Variants in LHFPL6 observed in about 807,000 individuals in gnomAD.
LHFPL6 encodes the protein LHFPL tetraspan subfamily member 6.
In LHFPL6, 9 loss-of-function variants were observed where a neutral mutation model predicts 20.6. The observed-to-expected ratio is 0.44, with a 90% CI of 0.26 to 0.76. The LOEUF (loss-of-function observed/expected upper bound fraction) is 0.76, where lower values mean the gene tolerates loss of function less well. Among genes scored for constraint, LHFPL6 ranks in the 30% least tolerant of loss-of-function variants. LHFPL6 has a pLI of 0.20. For missense variants in LHFPL6, 218 were observed against 253.5 expected (o/e 0.86, Z 0.95); for synonymous variants, 105 against 98.7 (o/e 1.06, Z -0.38).
chr13:39,542,101 TAATA>T (rs1870824362), intron 2 of LHFPL6, among the ~76,000 whole-genome samples: 1 of 106,274 alleles, frequency 9.4e-6, no homozygotes, highest in African/African-American at 3.7e-5. Flanking sequence ...AAAAATATAA[TAATA>T]ATAATAATAA....
At chr13:39,461,238 T>C (rs1354638527) in intron 2 of LHFPL6, among the ~76,000 whole-genome samples, 1 of 152,160 alleles carries the variant, frequency 6.6e-6, no homozygotes, top group Non-Finnish European at 1.5e-5. Flanking sequence ...AGGGTACCAC[T>C]GATGGGCATT....
chr13:39,459,526 C>CA (rs548627339), intron 2 of LHFPL6, among the ~76,000 whole-genome samples: 22 of 152,182 alleles, frequency 1.4e-4, no homozygotes, highest in African/African-American at 5.1e-4. Flanking sequence ...CAGTAATTTT[C>CA]AATACTTTAA....
rs368020514 is a variant in LHFPL6 at position 39,343,984 on chromosome 13, C to T, written c.555G>A (p.Thr185=). Residue 185 remains threonine, a synonymous_variant, in exon 4 of 4, where the codon ACG becomes ACA. Transcript: ENST00000379589. ...TCTTGCCCGAAAAGCAAGCCAGCCA[C>T]GTGCACAGCAGCATGGCGGCAGTGG... ...AGATAAMLLC[T]WLACFSGKKQ... 4.5e-5 allele frequency: 72 copies of T among 1,613,680 alleles called. No homozygotes were observed. Among genetic ancestry groups the T allele is most frequent in the Non-Finnish European group, 5.3e-5 (62 of 1,179,934 alleles).
At chr13:39,470,305 T>C (rs6563707) in intron 2 of LHFPL6, among the ~76,000 whole-genome samples, 84,438 of 152,020 alleles carry the variant, frequency 0.56, 24,728 homozygotes, top group East Asian at 0.9. Context: ...AGAAAGCTCT[T>C]GCCAAATTTT....
At chr13:39,399,044 A>G (rs1410698580) in intron 2 of LHFPL6, among the ~76,000 whole-genome samples, 2 of 152,162 alleles carry the variant, frequency 1.3e-5, no homozygotes, top group Non-Finnish European at 2.9e-5. Flanking sequence ...AACCTACCCT[A>G]CAACTCCAAG....
intron 3 of LHFPL6, among the ~76,000 whole-genome samples, chr13:39,364,213 C>T (rs1393622222): frequency 6.6e-6 from 1 of 152,200 alleles, no homozygotes; most frequent in African/African-American, 2.4e-5. Context: ...ATCAGAGAAA[C>T]CGGCCCTGGA....
chr13:39,370,213 C>G (rs762571362), intron 3 of LHFPL6, among the ~76,000 whole-genome samples: 1 of 152,120 alleles, frequency 6.6e-6, no homozygotes, highest in Non-Finnish European at 1.5e-5. Flanking sequence ...CTCCCTTGGA[C>G]GCGGAAGTTT....
At chr13:39,388,480 T>C (rs1870623635) in intron 2 of LHFPL6, among the ~76,000 whole-genome samples, 1 of 152,154 alleles carries the variant, frequency 6.6e-6, no homozygotes, top group Non-Finnish European at 1.5e-5. Context: ...TACGTGACAG[T>C]TTTCTGGGAA....
At chr13:39,477,302 C>T (rs1331113817) in intron 2 of LHFPL6, among the ~76,000 whole-genome samples, 1 of 152,216 alleles carries the variant, frequency 6.6e-6, no homozygotes. Flanking sequence ...GTCAGAGCTA[C>T]CCTATTTGGC....
chr13:39,378,699 A>G (rs1870360055), intron 2 of LHFPL6, among the ~76,000 whole-genome samples, 173 bp from the exon 3 acceptor site: 1 of 152,182 alleles, frequency 6.6e-6, no homozygotes, highest in Admixed American at 6.6e-5. Flanking sequence ...CAACAATTTC[A>G]AGTCAGCTTA....
chr13:39,486,010 G>A (rs969109901), intron 2 of LHFPL6, among the ~76,000 whole-genome samples: 1 of 152,054 alleles, frequency 6.6e-6, no homozygotes, highest in African/African-American at 2.4e-5. Context: ...GGAATCCAAG[G>A]CTCAAGGGTA....
At chr13:39,359,849 A>G (rs1360040069) in intron 3 of LHFPL6, among the ~76,000 whole-genome samples, 7 of 152,068 alleles carry the variant, frequency 4.6e-5, no homozygotes. Context: ...GGCTCTTTTG[A>G]CCTGTTCTGT....
chr13:39,531,206 C>T (rs575565216), intron 2 of LHFPL6, among the ~76,000 whole-genome samples: 50 of 152,288 alleles, frequency 3.3e-4, no homozygotes, highest in African/African-American at 1.1e-3. Flanking sequence ...TAAAAGCAAT[C>T]TGAATGTAGA....
chr13:39,500,394 T>C (rs752971934), intron 2 of LHFPL6, among the ~76,000 whole-genome samples: 1 of 152,012 alleles, frequency 6.6e-6, no homozygotes, highest in Admixed American at 6.6e-5. Context: ...TCTGGGACTA[T>C]AGGTGCATGC....
rs536307739 is a variant in LHFPL6 at position 39,586,808 on chromosome 13, C to CT, written c.385+14023dup. Among the ~76,000 whole-genome samples the CT allele has an allele frequency of 3.9e-5, 6 of 152,248 alleles. No homozygotes were observed. In the South Asian group the frequency reaches 1.2e-3, roughly 32 times the overall value. ...TCACTGCTACTAGACTATATAGTTC[C>CT]TAAGTCAGGTGCACCCATAGCCACT... is the stretch of plus-strand genomic sequence containing the variant. On this transcript the variant is annotated intron_variant, in intron 2 of 3. Transcript: ENST00000379589.
chr13:39,522,055 C>T (rs964806739), intron 2 of LHFPL6, among the ~76,000 whole-genome samples: 1 of 152,150 alleles, frequency 6.6e-6, no homozygotes, highest in African/African-American at 2.4e-5. Flanking sequence ...CTTACTAATC[C>T]ACTATGTGCA....
At chr13:39,472,101 C>A (rs1349424122) in intron 2 of LHFPL6, among the ~76,000 whole-genome samples, 2 of 152,166 alleles carry the variant, frequency 1.3e-5, no homozygotes, top group Non-Finnish European at 2.9e-5. Flanking sequence ...CCTCCTCTAG[C>A]GCTCCATTCA....
intron 2 of LHFPL6, among the ~76,000 whole-genome samples, chr13:39,572,948 T>C (rs1375693181): frequency 6.6e-6 from 1 of 152,182 alleles, no homozygotes; most frequent in South Asian, 2.1e-4. Context: ...TAATGAATAA[T>C]GTTATTGAGG....
chr13:39,435,036 C>G (rs1871917549), intron 2 of LHFPL6, among the ~76,000 whole-genome samples: 2 of 115,512 alleles, frequency 1.7e-5, no homozygotes, highest in African/African-American at 3.3e-5. Context: ...GCAGTCCGAC[C>G]TGGGCGACAG....
Sources: gnomAD v4.1 joint callset for allele counts (sites outside exome capture counted in the v4.1 genomes callset) on GRCh38, gnomAD v4.1.1 for gene constraint, MANE v1.5 for transcripts, NCBI Gene and HGNC (gene_info 2026-07-23, HGNC 2026-07-21) for gene names.